The following DCUN1D1 variants were observed in gnomAD, a reference collection of about 807,000 sequenced individuals.
DCUN1D1 encodes DCN1-like protein 1.
DCUN1D1 carries 3 observed loss-of-function variants against 39.0 expected under a neutral mutation model. That is an observed-to-expected ratio of 0.08 (90% confidence interval 0.04 to 0.20). DCUN1D1 has a LOEUF of 0.20. Among genes scored for constraint, DCUN1D1 ranks in the 10% least tolerant of loss-of-function variants. The pLI is 1.00. For missense variants in DCUN1D1, 158 were observed against 302.4 expected (o/e 0.52, Z 3.54); for synonymous variants, 82 against 96.3 (o/e 0.85, Z 0.87).
intron 4 of DCUN1D1, among the ~76,000 whole-genome samples, chr3:182,947,966 C>T (rs1726503782): frequency 6.6e-6 from 1 of 152,196 alleles, no homozygotes; most frequent in Non-Finnish European, 1.5e-5. Context: ...TCAACCTGGG[C>T]ACTTCCAACA....
intron 2 of DCUN1D1, among the ~76,000 whole-genome samples, chr3:182,965,256 C>T (rs1365818622): frequency 6.6e-6 from 1 of 152,144 alleles, no homozygotes; most frequent in Non-Finnish European, 1.5e-5. Flanking sequence ...TTTCCTTAGA[C>T]TGGTTCAGCT....
intron 4 of DCUN1D1, among the ~76,000 whole-genome samples, chr3:182,954,422 T>C (rs2108634623): frequency 2.0e-5 from 3 of 152,328 alleles, no homozygotes; most frequent in Admixed American, 2.0e-4. Context: ...ATTAAGACTA[T>C]AATTATCAAA....
intron 4 of DCUN1D1, among the ~76,000 whole-genome samples, chr3:182,954,404 G>A (rs1031150931): frequency 6.6e-6 from 1 of 152,150 alleles, no homozygotes; most frequent in Non-Finnish European, 1.5e-5. Context: ...AACATGGGTA[G>A]TAAAAGAATT....
intron 6 of DCUN1D1, among the ~76,000 whole-genome samples, chr3:182,946,323 C>G (rs906995518): frequency 6.6e-6 from 1 of 151,980 alleles, no homozygotes; most frequent in African/African-American, 2.4e-5. Context: ...TTCGGGAGAC[C>G]GAGGCGGGTG....
upstream of DCUN1D1, among the ~76,000 whole-genome samples, chr3:182,983,080 T>A (rs192757624): frequency 2.0e-5 from 3 of 152,340 alleles, no homozygotes; most frequent in East Asian, 5.8e-4. Flanking sequence ...AAGAGCTGCA[T>A]AAGCATGAGC....
At position 182,938,546 on chromosome 3, in the gene DCUN1D1, G is replaced by T. The variant is rs1725992142; in HGVS notation, c.*6548C>A. 1 of 152,018 alleles carries T rather than the reference G, an allele frequency of 6.6e-6. No individual in the cohort carries two copies. Among genetic ancestry groups the T allele is most frequent in the Non-Finnish European group, 1.5e-5 (1 of 68,000 alleles). 9.4% of individuals were successfully genotyped at this position (152,018 alleles called of 1,614,324 possible). A position where few individuals can be genotyped will look rare whatever the true frequency, so the allele number is the denominator to read the frequency against. On this transcript the variant is annotated 3_prime_UTR_variant, in exon 7 of 7. Transcript: ENST00000292782. ...TGGGATTTGCTTCAAAATAAATAGGGGTTCAAAGATGAATGGCATTTAGAT... is the reference window on the plus strand; with the variant it reads ...TGGGATTTGCTTCAAAATAAATAGGTGTTCAAAGATGAATGGCATTTAGAT...
At chr3:182,953,662 T>C (rs79641637) in intron 4 of DCUN1D1, among the ~76,000 whole-genome samples, 1,589 of 152,324 alleles carry the variant, frequency 0.01, 30 homozygotes, top group African/African-American at 0.037. Flanking sequence ...TTTTAAATCA[T>C]TTAGAACTAT....
At chr3:182,945,773 T>C (rs774797102) in intron 6 of DCUN1D1, among the ~76,000 whole-genome samples, 1 of 152,160 alleles carries the variant, frequency 6.6e-6, no homozygotes, top group Non-Finnish European at 1.5e-5. Flanking sequence ...TGCTAATACG[T>C]TACTAAAAGG....
In DCUN1D1 at chr3:182,944,931, A is replaced by T. The variant is rs1726317703; in HGVS notation, c.*163T>A. The T allele has an allele frequency of 1.7e-6, 1 of 585,398 alleles. No individual in the cohort carries two copies. Among genetic ancestry groups the T allele is most frequent in the African/African-American group, 1.9e-5 (1 of 51,770 alleles). The allele number at this position is 585,398 out of a possible 1,614,324, so 36.3% of individuals were successfully genotyped here. On this transcript the variant is annotated 3_prime_UTR_variant, in exon 7 of 7. Coordinates refer to ENST00000292782, the MANE Select transcript of DCUN1D1 (RefSeq NM_020640.4). ...GCCCAAACCACCATTAGAAGAATGA[A>T]ATACGATATGGTCCAAGATGTATCC...
intron 3 of DCUN1D1, among the ~76,000 whole-genome samples, chr3:182,962,560 C>T (rs1727453825): frequency 6.6e-6 from 1 of 152,204 alleles, no homozygotes; most frequent in Non-Finnish European, 1.5e-5. Flanking sequence ...CAGCTGGCCA[C>T]ACCCTCTCCC....
chr3:182,985,358 G>T (rs1485499202), upstream of DCUN1D1: 7 of 152,444 alleles, frequency 4.6e-5, no homozygotes, highest in Admixed American at 4.6e-4. Flanking sequence ...GCCGGACTTG[G>T]TGGCTCACAC....
intron 1 of DCUN1D1, among the ~76,000 whole-genome samples, chr3:182,971,071 T>G (rs1460917057): frequency 6.6e-6 from 1 of 151,890 alleles, no homozygotes; most frequent in African/African-American, 2.4e-5. Flanking sequence ...TAGTGAAGAG[T>G]GCAGACTTTC....
intron 2 of DCUN1D1, among the ~76,000 whole-genome samples, chr3:182,964,635 CTTTTTTTTTTTTT>C (rs951243180): frequency 9.3e-6 from 1 of 107,488 alleles, no homozygotes; most frequent in African/African-American, 3.8e-5. Flanking sequence ...TAACACCTTT[CTTTTTTTTTTTTT>C]TTTTTTTTTT....
chr3:182,950,574 G>A (rs1274344098), intron 4 of DCUN1D1, among the ~76,000 whole-genome samples: 1 of 151,798 alleles, frequency 6.6e-6, no homozygotes, highest in Non-Finnish European at 1.5e-5. Flanking sequence ...TGGATCTCTT[G>A]ATCACCTTTA....
At chr3:182,952,121 C>G (rs1350605509) in intron 4 of DCUN1D1, among the ~76,000 whole-genome samples, 1 of 152,204 alleles carries the variant, frequency 6.6e-6, no homozygotes, top group Non-Finnish European at 1.5e-5. Context: ...GAAGGGTCAT[C>G]AGACCCTCTG....
At chr3:182,981,278 C>T (rs74377223), upstream of DCUN1D1, among the ~76,000 whole-genome samples, 5 of 152,260 alleles carry the variant, frequency 3.3e-5, no homozygotes, top group East Asian at 9.7e-4. Context: ...ACTGCTAGCT[C>T]TCAGTATCCC....
At chr3:182,977,410 T>C (rs1055395601) in intron 1 of DCUN1D1, among the ~76,000 whole-genome samples, 7 of 152,172 alleles carry the variant, frequency 4.6e-5, no homozygotes, top group African/African-American at 1.4e-4. Context: ...AATCCTGCCA[T>C]CTTATAAATA....
intron 1 of DCUN1D1, among the ~76,000 whole-genome samples, chr3:182,974,243 G>C (rs115829779): frequency 0.011 from 1,701 of 152,148 alleles, 35 homozygotes; most frequent in African/African-American, 0.039. Flanking sequence ...CACAGAGTGA[G>C]ACCCTGTCTC....
Position 182,980,469 on chromosome 3 carries a change from G to T in DCUN1D1, c.3+18C>A. On this transcript the variant is annotated intron_variant, in intron 1 of 6. Transcript: ENST00000292782. ...GGCCCCCAGCCGGCAGGGCGGGCGG[G>T]CGGCCGCAGTGCCTCACCATGTTGG... is the stretch of plus-strand genomic sequence containing the variant. The T allele has an allele frequency of 8.5e-7, 1 of 1,177,474 alleles. No individual in the cohort carries two copies. The highest frequency in any genetic ancestry group is 1.1e-6 in the Non-Finnish European group (1 of 940,314). The allele number at this position is 1,177,474 out of a possible 1,614,324, so 72.9% of individuals were successfully genotyped here.
Sources: allele counts gnomAD v4.1 joint callset (sites outside exome capture counted in the v4.1 genomes callset), GRCh38; gene constraint gnomAD v4.1.1; transcripts MANE v1.5; gene names NCBI Gene and HGNC (gene_info 2026-07-23, HGNC 2026-07-21).